The following CWC27 variants were observed in gnomAD, a reference collection of about 807,000 sequenced individuals.
CWC27 encodes the protein spliceosome-associated protein CWC27 homolog.
CWC27 carries 47 observed loss-of-function variants against 63.6 expected under a neutral mutation model. The ratio of observed to expected loss-of-function variants is 0.74; its 90% CI spans 0.58 to 0.94. The LOEUF is 0.94. Ranked by LOEUF, CWC27 falls within the 40% of genes least tolerant of loss-of-function variation. The probability of loss-of-function intolerance (pLI) is 0.00; values close to 1 mark genes in which losing one functional copy is unlikely to be tolerated. For missense variants in CWC27, 495 were observed against 554.3 expected, an observed-to-expected ratio of 0.89 and a Z score of 1.07; for synonymous variants, 175 against 179.8, an observed-to-expected ratio of 0.97 and a Z score of 0.22.
At chr5:64,950,190 C>A (rs13355440) in intron 11 of CWC27, among the ~76,000 whole-genome samples, 1 of 151,588 alleles carries the variant, frequency 6.6e-6, no homozygotes, top group African/African-American at 2.4e-5. Flanking sequence ...TCTACTTATG[C>A]CTTACATTAT....
At chr5:64,977,354 T>C (rs1357422196) in intron 13 of CWC27, 116 bp downstream of exon 13, 3 of 644,162 alleles carry the variant, frequency 4.7e-6, no homozygotes, top group Non-Finnish European at 5.1e-6. Flanking sequence ...ATCACCATTA[T>C]AGGACCTCGG....
chr5:64,940,049 G>C (rs1391946385), intron 11 of CWC27, among the ~76,000 whole-genome samples: 22 of 152,200 alleles, frequency 1.4e-4, no homozygotes, highest in Admixed American at 1.4e-3. Context: ...GTAGCTTGCT[G>C]GGCTCTGTGG....
intron 7 of CWC27, among the ~76,000 whole-genome samples, chr5:64,789,348 A>T (rs1052349435): frequency 6.6e-6 from 1 of 152,122 alleles, no homozygotes; most frequent in East Asian, 1.9e-4. Context: ...CATTACTGAT[A>T]TAAACAGTCA....
chr5:64,861,208 T>G (rs1746404865), intron 10 of CWC27, among the ~76,000 whole-genome samples: 1 of 152,168 alleles, frequency 6.6e-6, no homozygotes, highest in Non-Finnish European at 1.5e-5. Context: ...GACATATTCC[T>G]AAAGTATCAA....
intron 7 of CWC27, among the ~76,000 whole-genome samples, chr5:64,791,820 A>G (rs1415900682): frequency 6.6e-6 from 1 of 152,110 alleles, no homozygotes. Flanking sequence ...TAGTGTCAAT[A>G]TCTTCCAAAG....
intron 10 of CWC27, among the ~76,000 whole-genome samples, chr5:64,876,577 C>T (rs1194009555): frequency 2.6e-5 from 4 of 152,110 alleles, no homozygotes; most frequent in African/African-American, 9.6e-5. Flanking sequence ...GAAACTAACA[C>T]ATATTCCATT....
At chr5:64,937,013 G>A (rs542133389) in intron 11 of CWC27, among the ~76,000 whole-genome samples, 293 of 151,932 alleles carry the variant, frequency 1.9e-3, no homozygotes, top group African/African-American at 6.6e-3. Flanking sequence ...AGTCTGGCTA[G>A]TGGTCTATTT....
chr5:64,800,070 A>G (rs1744434865), intron 7 of CWC27, among the ~76,000 whole-genome samples, 178 bp from the exon 8 acceptor site: 1 of 152,170 alleles, frequency 6.6e-6, no homozygotes, highest in Non-Finnish European at 1.5e-5. Context: ...TACTATTTTC[A>G]GTCAATAGAA....
rs185523607 is a variant in CWC27, at chr5:64,910,435, A to G, written c.1042+24889A>G. ...ACCCACTTAAGGAGGCAGTCTGTCC[A>G]TTCTCAGAGCTCAAACACCATGCTG... On this transcript the variant is annotated intron_variant, in intron 11 of 13. Transcript: ENST00000381070. Among the ~76,000 whole-genome samples, 231 of 152,312 alleles carry G rather than the reference A, an allele frequency of 1.5e-3. 1 individual carries two copies. Among genetic ancestry groups the G allele is most frequent in the Non-Finnish European group, 2.6e-3 (177 of 68,010 alleles).
intron 11 of CWC27, among the ~76,000 whole-genome samples, chr5:64,916,458 G>A (rs1747888905): frequency 6.6e-6 from 1 of 152,100 alleles, no homozygotes; most frequent in Admixed American, 6.6e-5. Flanking sequence ...TTAAGCCATA[G>A]GATGGGATAC....
chr5:64,786,864 A>G (rs1743904726), intron 6 of CWC27, among the ~76,000 whole-genome samples: 2 of 152,180 alleles, frequency 1.3e-5, no homozygotes, highest in African/African-American at 4.8e-5. Context: ...GTCCGTTTTC[A>G]CACTGCTATA....
At chr5:64,931,844 T>A (rs1405566870) in intron 11 of CWC27, among the ~76,000 whole-genome samples, 1 of 152,108 alleles carries the variant, frequency 6.6e-6, no homozygotes, top group Non-Finnish European at 1.5e-5. Flanking sequence ...TGTTTTTATG[T>A]GTAGTACATA....
chr5:64,825,946 C>A (rs1358839602), intron 10 of CWC27, among the ~76,000 whole-genome samples: 1 of 152,194 alleles, frequency 6.6e-6, no homozygotes, highest in African/African-American at 2.4e-5. Context: ...GAATAAATTT[C>A]GTCTGTGAAT....
At chr5:64,889,280 T>A (rs538318399) in intron 11 of CWC27, among the ~76,000 whole-genome samples, 1 of 152,208 alleles carries the variant, frequency 6.6e-6, no homozygotes, top group African/African-American at 2.4e-5. Context: ...TTAATAGTAT[T>A]GTTCCAACAT....
At chr5:64,902,420 G>A (rs751360342) in intron 11 of CWC27, among the ~76,000 whole-genome samples, 40 of 152,116 alleles carry the variant, frequency 2.6e-4, no homozygotes, top group Non-Finnish European at 4.1e-4. Context: ...AGTATGGATC[G>A]AAGTACACAT....
intron 13 of CWC27, among the ~76,000 whole-genome samples, chr5:64,986,993 G>A (rs1749446910): frequency 6.6e-6 from 1 of 152,064 alleles, no homozygotes; most frequent in Non-Finnish European, 1.5e-5. Context: ...TTACATGTTA[G>A]AAGTGAAACC....
intron 11 of CWC27, among the ~76,000 whole-genome samples, chr5:64,962,088 A>G (rs1201183575): frequency 6.6e-6 from 1 of 152,218 alleles, no homozygotes; most frequent in East Asian, 1.9e-4. Flanking sequence ...TGTGTATTTT[A>G]TTAGCCAGTT....
At chr5:64,930,493 A>G (rs1368652005) in intron 11 of CWC27, among the ~76,000 whole-genome samples, 1 of 152,174 alleles carries the variant, frequency 6.6e-6, no homozygotes, top group Non-Finnish European at 1.5e-5. Context: ...GAGGATCTGA[A>G]TGAATGAATG....
chr5:64,784,465 C>G (rs1236845106), intron 4 of CWC27, among the ~76,000 whole-genome samples: 1 of 152,170 alleles, frequency 6.6e-6, no homozygotes, highest in Non-Finnish European at 1.5e-5. Context: ...AACGTCCTTT[C>G]TATAGAATTT....
Sources: gnomAD v4.1 joint callset for allele counts (sites outside exome capture counted in the v4.1 genomes callset) on GRCh38, gnomAD v4.1.1 for gene constraint, MANE v1.5 for transcripts, NCBI Gene and HGNC (gene_info 2026-07-23, HGNC 2026-07-21) for gene names.